Variants in CHD1L observed in about 807,000 individuals in gnomAD.
The protein encoded by CHD1L is chromodomain helicase DNA binding protein 1 like.
CHD1L carries 118 observed loss-of-function variants against 115.9 expected under a neutral mutation model. The observed-to-expected ratio is 1.02, with a 90% CI of 0.88 to 1.19. The LOEUF is 1.19. Ranked by LOEUF, CHD1L falls within the 50% of genes most tolerant of loss-of-function variation. The pLI, the probability that CHD1L is intolerant of heterozygous loss-of-function variation, is 0.00. For synonymous variants in CHD1L, 411 were observed against 387.1 expected (o/e 1.06, Z -0.72); for missense variants, 1,179 against 1,065.3 (o/e 1.11, Z -1.49).
At chr1:147,229,584 A>G in the CHD1L span, among the ~76,000 whole-genome samples, 1 of 152,186 alleles carries the variant, frequency 6.6e-6, no homozygotes, top group East Asian at 1.9e-4. Context: ...CATTTAATCT[A>G]TAAATTACCT....
At chr1:147,187,416 A>C in the CHD1L span, among the ~76,000 whole-genome samples, 2 of 152,208 alleles carry the variant, frequency 1.3e-5, no homozygotes, top group Non-Finnish European at 2.9e-5. Flanking sequence ...AGGACTTACA[A>C]AAGGAGATAA....
chr1:147,271,357 TTACTCATG>T (rs1676145440), intron 11 of CHD1L, among the ~76,000 whole-genome samples: 1 of 152,212 alleles, frequency 6.6e-6, no homozygotes, highest in Non-Finnish European at 1.5e-5. Flanking sequence ...AGTTGAGCAC[TTACTCATG>T]ATCAGTGAAA....
chr1:147,268,702 G>C, intron 9 of CHD1L, 80 bp from the exon 10 acceptor site: 1 of 1,116,506 alleles, frequency 9.0e-7, no homozygotes, highest in Non-Finnish European at 1.3e-6. Context: ...TGAGCTTTTG[G>C]CTTCTCTTCC....
chr1:147,178,662 A>G, the CHD1L span: 2 of 1,574,378 alleles, frequency 1.3e-6, no homozygotes, highest in East Asian at 2.2e-5. Flanking sequence ...ATAACTACCG[A>G]TTTGCACATA....
chr1:147,279,271 C>T (rs1043055324), intron 14 of CHD1L, among the ~76,000 whole-genome samples: 6 of 152,110 alleles, frequency 3.9e-5, no homozygotes, highest in Non-Finnish European at 8.8e-5. Context: ...TTGAATCCAC[C>T]TTGGGTCAGG....
At chr1:147,191,745 C>T in the CHD1L span, among the ~76,000 whole-genome samples, 1 of 151,968 alleles carries the variant, frequency 6.6e-6, no homozygotes, top group Non-Finnish European at 1.5e-5. Flanking sequence ...CCAGTTTTCC[C>T]AGCACCATTT....
the CHD1L span, among the ~76,000 whole-genome samples, chr1:147,190,908 C>T: frequency 4.0e-5 from 6 of 151,892 alleles, no homozygotes; most frequent in African/African-American, 1.5e-4. Flanking sequence ...TGTTCAATTC[C>T]CACCTATGAG....
At chr1:147,272,904 A>AAAG (rs1491389346) in intron 12 of CHD1L, among the ~76,000 whole-genome samples, 1 of 190 alleles carries the variant, frequency 5.3e-3, no homozygotes, top group African/African-American at 0.028. Flanking sequence ...TGGTGTCTGG[A>AAAG]AAAAAAAAAA....
At chr1:147,265,797 A>G in intron 7 of CHD1L, 135 bp from the exon 8 acceptor site, 2 of 680,386 alleles carry the variant, frequency 2.9e-6, no homozygotes, top group East Asian at 3.1e-5. Flanking sequence ...TACTATAAAA[A>G]AATGATCATA....
the CHD1L span, among the ~76,000 whole-genome samples, chr1:147,188,699 C>A: frequency 1.1e-3 from 165 of 150,360 alleles, 1 homozygote; most frequent in African/African-American, 3.7e-3. Flanking sequence ...GCACGTTGTA[C>A]ACATGTACCC....
At chr1:147,264,691 A>T in intron 7 of CHD1L, 107 bp downstream of exon 7, 1 of 1,182,574 alleles carries the variant, frequency 8.5e-7, no homozygotes, top group Non-Finnish European at 1.2e-6. Flanking sequence ...ACCAGAGGAC[A>T]CCTTCCAGGG....
Position 147,282,340 on chromosome 1 carries a change from G to C in CHD1L, c.1706-2011G>C, listed in dbSNP as rs149047910. Among the ~76,000 whole-genome samples, 344 of 152,310 alleles carry C rather than the reference G, an allele frequency of 2.3e-3. 1 individual carries two copies. Among genetic ancestry groups the C allele is most frequent in the African/African-American group, 7.9e-3 (327 of 41,566 alleles). On this transcript the variant is annotated intron_variant, in intron 15 of 22. Transcript: ENST00000369258. Reference sequence around the variant, plus strand: ...GTTGCTGAAACTGAAAAGGCGGGGTGAGTCAAGGGCTCATGGCACTCCTGC... The same window carrying C: ...GTTGCTGAAACTGAAAAGGCGGGGTCAGTCAAGGGCTCATGGCACTCCTGC...
the CHD1L span, chr1:147,223,639 T>C: frequency 6.4e-6 from 1 of 156,346 alleles, no homozygotes; most frequent in Non-Finnish European, 1.4e-5. Flanking sequence ...AAGTTGTGAA[T>C]CCTCTGTTTG....
At chr1:147,271,049 T>TC in intron 11 of CHD1L, 44 bp downstream of exon 11, 1 of 1,468,814 alleles carries the variant, frequency 6.8e-7, no homozygotes, top group Non-Finnish European at 9.5e-7. Context: ...TCTGTTAGAC[T>TC]TAACAGTCCA....
intron 11 of CHD1L, 104 bp downstream of exon 11, chr1:147,271,109 G>A: frequency 9.7e-7 from 1 of 1,026,030 alleles, no homozygotes; most frequent in South Asian, 1.4e-5. Flanking sequence ...ACAAAGGAAA[G>A]CAGGGTGAGA....
chr1:147,284,361 G>T lies in CHD1L; in HGVS notation c.1716G>T (p.Met572Ile). 6.4e-7 allele frequency: 1 copy of T among 1,573,064 alleles called. No homozygotes were observed. The highest frequency in any genetic ancestry group is 8.6e-7 in the Non-Finnish European group (1 of 1,158,214). The part of the protein sequence containing the change: ...SRDQEEGKNH[M>I]YLFEGKDYSK... ...GTTTTATGTTGTTAGAAAATCATAT[G>T]TACTTATTTGAAGGTAAAGATTATT... Residue 572 changes from methionine to isoleucine, a missense_variant, in exon 16 of 23, where the codon ATG (methionine) becomes ATT (isoleucine). Met to Ile is a conservative substitution (Grantham distance 10). Transcript: ENST00000369258.
chr1:147,247,609 T>C (rs1667023413), intron 1 of CHD1L, among the ~76,000 whole-genome samples: 1 of 152,180 alleles, frequency 6.6e-6, no homozygotes, highest in Non-Finnish European at 1.5e-5. Flanking sequence ...TAAACCTCTT[T>C]TTATTTTTAA....
intron 6 of CHD1L, among the ~76,000 whole-genome samples, chr1:147,263,074 T>A (rs587774135): frequency 6.6e-6 from 1 of 152,230 alleles, no homozygotes; most frequent in East Asian, 1.9e-4. Flanking sequence ...TATGTATGTA[T>A]GTGCATAGAT....
upstream of CHD1L, among the ~76,000 whole-genome samples, chr1:147,240,192 ATTC>A (rs60638012): frequency 0.017 from 2,620 of 152,316 alleles, 79 homozygotes; most frequent in African/African-American, 0.06. Context: ...TCTAAGAAAA[ATTC>A]TTCTGCCTTG....
Sources: allele counts gnomAD v4.1 joint callset (sites outside exome capture counted in the v4.1 genomes callset), GRCh38; gene constraint gnomAD v4.1.1; transcripts MANE v1.5; gene names NCBI Gene and HGNC (gene_info 2026-07-23, HGNC 2026-07-21).